Variants in ARHGEF12 observed in about 807,000 individuals in gnomAD.
ARHGEF12 encodes Rho guanine nucleotide exchange factor 12.
ARHGEF12 carries 66 observed loss-of-function variants against 211.2 expected under a neutral mutation model. The ratio of observed to expected loss-of-function variants is 0.31; its 90% CI spans 0.26 to 0.38. ARHGEF12 has a LOEUF of 0.38. Ranked by LOEUF, ARHGEF12 falls within the 10% of genes least tolerant of loss-of-function variation. ARHGEF12 has a pLI of 1.00. For synonymous variants in ARHGEF12, 592 were observed against 638.4 expected (o/e 0.93, Z 1.09); for missense variants, 1,429 against 1,869.5 (o/e 0.76, Z 4.34).
intron 32 of ARHGEF12, among the ~76,000 whole-genome samples, chr11:120,475,101 G>T (rs910147837): frequency 6.6e-6 from 1 of 152,118 alleles, no homozygotes; most frequent in Non-Finnish European, 1.5e-5. Flanking sequence ...GACTATAGGC[G>T]CACAGCACCA....
At chr11:120,362,698 C>CTT (rs1203800358) in intron 1 of ARHGEF12, among the ~76,000 whole-genome samples, 4 of 152,112 alleles carry the variant, frequency 2.6e-5, no homozygotes, top group Non-Finnish European at 5.9e-5. Context: ...TTATGAATGT[C>CTT]TTTCGTTTCT....
chr11:120,467,360 C>T, intron 29 of ARHGEF12, 52 bp downstream of exon 29: 1 of 1,075,998 alleles, frequency 9.3e-7, no homozygotes, highest in Non-Finnish European at 1.4e-6. Context: ...CAACGAAACA[C>T]CCAATATCCT....
chr11:120,447,077 A>G lies in ARHGEF12; in HGVS notation c.1581A>G (p.Glu527=), dbSNP rs750545366. ...TCAEQIVAKI[E]EVLMTAQAVE... is the part of the protein sequence containing the mutation. ...CAGAACAGATTGTTGCCAAAATTGA[A>G]GAAGTATTGTAAGTAATAGAAGTAT... The change falls in exon 18 of 41, where the codon GAA becomes GAG. Residue 527 remains glutamate (E), a synonymous_variant. Coordinates refer to ENST00000397843, the MANE Select transcript of ARHGEF12 (RefSeq NM_015313.3). 1.2e-5 allele frequency: 19 copies of G among 1,613,938 alleles called. No individual in the cohort carries two copies. The highest frequency in any genetic ancestry group is 4.5e-5 in the East Asian group (2 of 44,890).
intron 1 of ARHGEF12, among the ~76,000 whole-genome samples, chr11:120,367,413 T>A (rs923385518): frequency 7.5e-6 from 1 of 132,868 alleles, no homozygotes; most frequent in Non-Finnish European, 1.5e-5. Context: ...TCGCCCAGGC[T>A]GGAGTACAGT....
chr11:120,481,633 G>A (rs189074595), intron 39 of ARHGEF12, 57 bp downstream of exon 39: 22 of 1,514,908 alleles, frequency 1.5e-5, no homozygotes, highest in Non-Finnish European at 1.8e-5. Context: ...TAGCAGAGGG[G>A]AAGAATAGGG....
At chr11:120,389,753 C>G (rs1016300292) in intron 1 of ARHGEF12, among the ~76,000 whole-genome samples, 23 of 152,306 alleles carry the variant, frequency 1.5e-4, no homozygotes, top group African/African-American at 5.5e-4. Context: ...TTTTTAGCTT[C>G]CACAAATGAG....
At chr11:120,429,014 G>A (rs191183668) in intron 8 of ARHGEF12, among the ~76,000 whole-genome samples, 1 of 152,248 alleles carries the variant, frequency 6.6e-6, no homozygotes, top group East Asian at 1.9e-4. Flanking sequence ...GACTAATTTG[G>A]TAAAATATTA....
intron 7 of ARHGEF12, among the ~76,000 whole-genome samples, chr11:120,426,148 C>T (rs761904442): frequency 1.3e-5 from 2 of 152,114 alleles, no homozygotes; most frequent in Non-Finnish European, 2.9e-5. Flanking sequence ...TAAACTTGAC[C>T]ACTTATTTAA....
chr11:120,406,678 C>T (rs955346169), intron 2 of ARHGEF12, among the ~76,000 whole-genome samples: 17 of 152,216 alleles, frequency 1.1e-4, no homozygotes, highest in Non-Finnish European at 2.2e-4. Flanking sequence ...CCTGCCTCAG[C>T]CTCCCGAGTA....
chr11:120,463,542 A>G (rs958897833), intron 27 of ARHGEF12: 2 of 152,346 alleles, frequency 1.3e-5, no homozygotes, highest in African/African-American at 2.4e-5. Flanking sequence ...AAAAAAAAAA[A>G]AAAACCAAAA....
intron 4 of ARHGEF12, among the ~76,000 whole-genome samples, chr11:120,414,224 G>A (rs1166840332): frequency 6.6e-6 from 1 of 152,124 alleles, no homozygotes. Context: ...CAGCTTCTAG[G>A]CAAAATATGA....
chr11:120,354,502 ATTTT>A (rs1286046078), intron 1 of ARHGEF12, among the ~76,000 whole-genome samples: 1 of 152,188 alleles, frequency 6.6e-6, no homozygotes, highest in African/African-American at 2.4e-5. Context: ...TTTGTAAATG[ATTTT>A]TTGTCTCTGA....
chr11:120,488,558 T>A lies in ARHGEF12; in HGVS notation c.*3481T>A, dbSNP rs1370515822. On this transcript the variant is annotated 3_prime_UTR_variant, in exon 41 of 41. Transcript: ENST00000397843. ...ATTCCTTATGCCTTCCCCACTGGTA[T>A]TGAGGGTTTTGATAATAAATTGGTA... 4.6e-6 allele frequency: 1 copy of A among 217,930 alleles called. No homozygotes were observed. The highest frequency in any genetic ancestry group is 5.8e-5 in the Admixed American group (1 of 17,254). The allele number at this position is 217,930 out of a possible 1,614,324, so 13.5% of individuals were successfully genotyped here.
intron 39 of ARHGEF12, among the ~76,000 whole-genome samples, chr11:120,481,961 A>G (rs1010942539): frequency 6.6e-5 from 10 of 151,896 alleles, no homozygotes; most frequent in Non-Finnish European, 1.3e-4. Context: ...GGGTTTCACC[A>G]TGTTAGCCAG....
intron 1 of ARHGEF12, among the ~76,000 whole-genome samples, chr11:120,340,647 A>G (rs1352480328): frequency 6.6e-6 from 1 of 152,186 alleles, no homozygotes; most frequent in African/African-American, 2.4e-5. Context: ...GTTATTTTCA[A>G]CGTTGCATGA....
At chr11:120,388,632 A>T (rs897801970) in intron 1 of ARHGEF12, among the ~76,000 whole-genome samples, 1 of 152,086 alleles carries the variant, frequency 6.6e-6, no homozygotes, top group African/African-American at 2.4e-5. Context: ...TGGTTTTGTC[A>T]GTCTTTTTAA....
intron 22 of ARHGEF12, among the ~76,000 whole-genome samples, chr11:120,456,497 A>G (rs1264638823): frequency 6.6e-6 from 1 of 152,224 alleles, no homozygotes; most frequent in Non-Finnish European, 1.5e-5. Context: ...AGAAATAGAT[A>G]TTAACTAAAG....
chr11:120,406,242 T>C, intron 2 of ARHGEF12, 101 bp downstream of exon 2: 1 of 714,074 alleles, frequency 1.4e-6, no homozygotes, highest in Non-Finnish European at 2.1e-6. Flanking sequence ...TTTGAGAATG[T>C]GTATTCAAGT....
intron 30 of ARHGEF12, among the ~76,000 whole-genome samples, chr11:120,470,783 T>C (rs913140972): frequency 1.3e-5 from 2 of 152,204 alleles, no homozygotes; most frequent in African/African-American, 4.8e-5. Flanking sequence ...ACCTTTTGAC[T>C]CCGCAGTTCT....
Sources: allele counts gnomAD v4.1 joint callset (sites outside exome capture counted in the v4.1 genomes callset), GRCh38; gene constraint gnomAD v4.1.1; transcripts MANE v1.5; gene names NCBI Gene and HGNC (gene_info 2026-07-23, HGNC 2026-07-21).